Variants in RARB observed in about 807,000 individuals in gnomAD.
The protein encoded by RARB is retinoic acid receptor beta.
Under a neutral mutation model 51.9 loss-of-function variants are expected in RARB, and 17 were observed. The ratio of observed to expected loss-of-function variants is 0.33; its 90% CI spans 0.22 to 0.49. RARB has a LOEUF of 0.49. Ranked by LOEUF, RARB falls within the 20% of genes least tolerant of loss-of-function variation. The probability of loss-of-function intolerance (pLI) is 0.99; values close to 1 mark genes in which losing one functional copy is unlikely to be tolerated. For missense variants in RARB, 369 were observed against 550.8 expected (o/e 0.67, Z 3.30); for synonymous variants, 215 against 195.4 (o/e 1.10, Z -0.84).
At chr3:25,045,027 C>T (rs1187950650) in intron 2 of RARB, among the ~76,000 whole-genome samples, 1 of 152,164 alleles carries the variant, frequency 6.6e-6, no homozygotes, top group East Asian at 1.9e-4. Flanking sequence ...TGACCAATGA[C>T]TTCTGAAAGA....
chr3:24,843,900 TACACACACACACACAC>T (rs71057685), intron 1 of RARB, among the ~76,000 whole-genome samples: 2 of 145,144 alleles, frequency 1.4e-5, no homozygotes, highest in African/African-American at 5.1e-5. Flanking sequence ...GATTTGAGGG[TACACACACACACACAC>T]ACACACACAC....
intron 2 of RARB, among the ~76,000 whole-genome samples, chr3:24,881,687 C>G (rs184240099): frequency 1.3e-5 from 2 of 152,224 alleles, no homozygotes; most frequent in African/African-American, 4.8e-5. Context: ...CTTCAAAATT[C>G]TGAAGGAAAA....
At chr3:24,982,405 G>A (rs530176130) in intron 2 of RARB, among the ~76,000 whole-genome samples, 88 of 152,290 alleles carry the variant, frequency 5.8e-4, no homozygotes, top group African/African-American at 2.1e-3. Flanking sequence ...AACCACAGCT[G>A]GTTTAGGAAA....
intron 3 of RARB, among the ~76,000 whole-genome samples, chr3:25,080,784 C>A (rs1284701392): frequency 6.6e-6 from 1 of 152,062 alleles, no homozygotes; most frequent in Non-Finnish European, 1.5e-5. Context: ...TATAGGAATT[C>A]TTTATTCTAG....
At chr3:25,003,553 C>A (rs190091233) in intron 2 of RARB, among the ~76,000 whole-genome samples, 5 of 152,182 alleles carry the variant, frequency 3.3e-5, no homozygotes, top group Admixed American at 1.3e-4. Context: ...TTAATAGGTA[C>A]AACTACTGGC....
At chr3:25,481,009 C>T (rs982938421) in intron 2 of RARB, among the ~76,000 whole-genome samples, 4 of 152,156 alleles carry the variant, frequency 2.6e-5, no homozygotes, top group Non-Finnish European at 5.9e-5. Context: ...CCAGGAACCA[C>T]ATTTTGAGAG....
intron 4 of RARB, among the ~76,000 whole-genome samples, chr3:25,147,493 C>A (rs976462281): frequency 6.6e-6 from 1 of 151,982 alleles, no homozygotes; most frequent in African/African-American, 2.4e-5. Flanking sequence ...CATAGATTTT[C>A]CTGGGTTGTG....
At chr3:25,386,750 T>A (rs1454240780) in intron 5 of RARB, among the ~76,000 whole-genome samples, 1 of 152,204 alleles carries the variant, frequency 6.6e-6, no homozygotes, top group African/African-American at 2.4e-5. Context: ...TGGCCACTAG[T>A]TCCACATATT....
chr3:25,123,813 C>T (rs769468340), intron 3 of RARB, among the ~76,000 whole-genome samples: 4 of 152,084 alleles, frequency 2.6e-5, no homozygotes. Flanking sequence ...TTTTTCCTCT[C>T]CCTCATCTAC....
chr3:25,180,741 TAGA>T (rs1461260341), intron 5 of RARB, among the ~76,000 whole-genome samples: 1 of 152,048 alleles, frequency 6.6e-6, no homozygotes, highest in Non-Finnish European at 1.5e-5. Context: ...TAATTTTATG[TAGA>T]AGGAGAGGGT....
At chr3:24,970,748 C>G (rs890672102) in intron 2 of RARB, among the ~76,000 whole-genome samples, 2 of 151,870 alleles carry the variant, frequency 1.3e-5, no homozygotes, top group Non-Finnish European at 2.9e-5. Context: ...TTCATGAATA[C>G]TTTGTGTGGA....
At position 24,919,204 on chromosome 3, in the gene RARB, CATA is replaced by C. The variant is rs1695166959; in HGVS notation, c.-380+60456_-380+60458del. Among the ~76,000 whole-genome samples the C allele has an allele frequency of 2.6e-5, 4 of 152,116 alleles. No individual in the cohort carries two copies. In the South Asian group the frequency reaches 8.3e-4, roughly 31 times the overall value. Reference sequence around the variant, plus strand: ...ATAATAATGATCTAGAGGCATTGACCATAATATTTCACTACTTTTTGGCTCAAA... The same window carrying C: ...ATAATAATGATCTAGAGGCATTGACCATATTTCACTACTTTTTGGCTCAAA... On this transcript the variant is annotated intron_variant, in intron 2 of 11. Coordinates refer to the RARB transcript ENST00000383772.
chr3:25,028,026 G>T (rs9838878), intron 2 of RARB, among the ~76,000 whole-genome samples: 103,451 of 151,952 alleles, frequency 0.68, 35,498 homozygotes, highest in East Asian at 0.87. Context: ...ATTTCAGAAC[G>T]ATCTTGAAAT....
At chr3:24,854,906 A>G (rs368706819) in intron 1 of RARB, among the ~76,000 whole-genome samples, 25 of 152,202 alleles carry the variant, frequency 1.6e-4, no homozygotes, top group African/African-American at 5.5e-4. Context: ...CACGACCTCA[A>G]TCAAATCTCT....
At chr3:25,297,604 G>A (rs1703946894) in intron 5 of RARB, among the ~76,000 whole-genome samples, 1 of 152,010 alleles carries the variant, frequency 6.6e-6, no homozygotes, top group African/African-American at 2.4e-5. Flanking sequence ...AGCTAATCAT[G>A]TACAGGGAAA....
At chr3:24,956,453 G>T (rs1696016557) in intron 2 of RARB, among the ~76,000 whole-genome samples, 2 of 152,126 alleles carry the variant, frequency 1.3e-5, no homozygotes, top group South Asian at 4.1e-4. Flanking sequence ...ATGTATCAAT[G>T]GTCTGGAGTT....
At chr3:25,233,615 C>A (rs34708987) in intron 5 of RARB, among the ~76,000 whole-genome samples, 7,243 of 152,102 alleles carry the variant, frequency 0.048, 224 homozygotes, top group Non-Finnish European at 0.07. Flanking sequence ...TTGTCCTGTT[C>A]CTGATATCAG....
chr3:25,340,698 A>T (rs6550964), intron 5 of RARB, among the ~76,000 whole-genome samples: 55,475 of 152,078 alleles, frequency 0.36, 10,884 homozygotes, highest in South Asian at 0.5. Flanking sequence ...AGACAGGTGA[A>T]AAACAAGAGA....
intron 5 of RARB, among the ~76,000 whole-genome samples, chr3:25,364,899 A>G (rs1433194961): frequency 6.6e-6 from 1 of 152,176 alleles, no homozygotes; most frequent in Non-Finnish European, 1.5e-5. Context: ...ATTTTTGACA[A>G]TTAAAATGCA....
Sources: gnomAD v4.1 joint callset for allele counts (sites outside exome capture counted in the v4.1 genomes callset) on GRCh38, gnomAD v4.1.1 for gene constraint, MANE v1.5 for transcripts, NCBI Gene and HGNC (gene_info 2026-07-23, HGNC 2026-07-21) for gene names.